Variants in EAF2 observed in about 807,000 individuals in gnomAD.
The protein encoded by EAF2 is ELL-associated factor 2.
A neutral mutation model predicts 29.4 loss-of-function variants in EAF2; 29 were observed. The ratio of observed to expected loss-of-function variants is 0.99; its 90% CI spans 0.73 to 1.35. The LOEUF (loss-of-function observed/expected upper bound fraction) is 1.35, where lower values mean the gene tolerates loss of function less well. Among genes scored for constraint, EAF2 ranks in the 40% most tolerant of loss-of-function variants. The pLI, the probability that EAF2 is intolerant of heterozygous loss-of-function variation, is 0.00. For synonymous variants in EAF2, 103 were observed against 102.5 expected, an observed-to-expected ratio of 1.00 and a Z score of -0.03; for missense variants, 292 against 312.0, an observed-to-expected ratio of 0.94 and a Z score of 0.48.
At chr3:121,858,891 T>A (rs1010979055) in intron 4 of EAF2, among the ~76,000 whole-genome samples, 8 of 152,234 alleles carry the variant, frequency 5.3e-5, no homozygotes, top group African/African-American at 1.9e-4. Flanking sequence ...TACATACGGC[T>A]AGCCAGTTTT....
At chr3:121,840,498 AAAAAAAAAAAGAAAAAAAAAAAACG>A (rs1708394990) in intron 1 of EAF2, among the ~76,000 whole-genome samples, 1 of 75,300 alleles carries the variant, frequency 1.3e-5, no homozygotes, top group South Asian at 3.2e-4. Flanking sequence ...TAAAAAAAAA[AAAAAAAAAAAGAAAAAAAAAAAACG>A]GGCCGGGTGC....
At chr3:121,871,292 A>T (rs561724391) in intron 4 of EAF2, among the ~76,000 whole-genome samples, 2 of 151,236 alleles carry the variant, frequency 1.3e-5, no homozygotes, top group East Asian at 3.9e-4. Flanking sequence ...GTACATGCTG[A>T]GTGAATCTAT....
chr3:121,841,947 A>T (rs1358750282), intron 1 of EAF2, among the ~76,000 whole-genome samples: 2 of 152,174 alleles, frequency 1.3e-5, no homozygotes, highest in South Asian at 2.1e-4. Flanking sequence ...CGGAGGTTGC[A>T]GTGAGCTGAG....
chr3:121,860,811 G>C (rs1708814607), intron 4 of EAF2, among the ~76,000 whole-genome samples: 1 of 152,154 alleles, frequency 6.6e-6, no homozygotes, highest in Admixed American at 6.5e-5. Flanking sequence ...GGCATTTAGT[G>C]CTGTAAATTT....
At position 121,836,636 on chromosome 3, in the gene EAF2, C is replaced by G. The variant is rs1048429299; in HGVS notation, c.106+1245C>G. ...TTTATTCTTCTTTATCATATACTTTCTCATCCAGAGCTCCCCACGATGAGA... is the reference window on the plus strand; with the variant it reads ...TTTATTCTTCTTTATCATATACTTTGTCATCCAGAGCTCCCCACGATGAGA... On this transcript the variant is annotated intron_variant, in intron 1 of 5. Coordinates refer to ENST00000273668, the MANE Select transcript of EAF2 (RefSeq NM_018456.6). The G allele has an allele frequency of 1.7e-5, 17 of 987,602 alleles. No individual in the cohort carries two copies. The African/African-American group carries it at 2.6e-4, about 15-fold the overall frequency. 61.2% of individuals were successfully genotyped at this position (987,602 alleles called of 1,614,324 possible).
At chr3:121,866,441 C>T (rs1708928099) in intron 4 of EAF2, among the ~76,000 whole-genome samples, 1 of 152,052 alleles carries the variant, frequency 6.6e-6, no homozygotes, top group Admixed American at 6.6e-5. Flanking sequence ...AATTACCTGT[C>T]CTGGCTGGGT....
Position 121,835,238 on chromosome 3 carries a change from G to A in EAF2, c.-48G>A. On this transcript the variant is annotated 5_prime_UTR_variant, in exon 1 of 6. Transcript: ENST00000273668. ...GCAGCTGCTTCAGGCTGAGGTGGCA[G>A]ATAGTGAGCGCTGGTGGCGGAGTTA... 6.3e-7 allele frequency: 1 copy of A among 1,575,180 alleles called. No individual in the cohort carries two copies. Among genetic ancestry groups the A allele is most frequent in the Non-Finnish European group, 8.7e-7 (1 of 1,144,708 alleles).
At chr3:121,849,921 GAT>G (rs112072754) in intron 2 of EAF2, among the ~76,000 whole-genome samples, 1,494 of 130,822 alleles carry the variant, frequency 0.011, 28 homozygotes, top group African/African-American at 0.037. Flanking sequence ...CTACTTCTCT[GAT>G]ATATATATAT....
intron 4 of EAF2, among the ~76,000 whole-genome samples, chr3:121,858,595 A>C (rs948847533): frequency 6.6e-6 from 1 of 152,218 alleles, no homozygotes; most frequent in African/African-American, 2.4e-5. Context: ...GTAAATTGCA[A>C]AAATTTTCTC....
chr3:121,852,088 A>T (rs964612803), intron 2 of EAF2, among the ~76,000 whole-genome samples: 1 of 152,212 alleles, frequency 6.6e-6, no homozygotes, highest in Non-Finnish European at 1.5e-5. Flanking sequence ...AATTGTCTAT[A>T]TTATTCATAT....
intron 2 of EAF2, among the ~76,000 whole-genome samples, chr3:121,849,670 G>T (rs992575232): frequency 2.6e-5 from 4 of 151,970 alleles, no homozygotes; most frequent in African/African-American, 9.7e-5. Context: ...TGTATGAGGG[G>T]TACTCCAGAT....
intron 1 of EAF2, among the ~76,000 whole-genome samples, chr3:121,840,506 AAAG>A (rs1276023374): frequency 0.02 from 1,303 of 64,090 alleles, 95 homozygotes; most frequent in Non-Finnish European, 0.035. Flanking sequence ...AAAAAAAAAA[AAAG>A]AAAAAAAAAA....
At chr3:121,849,331 T>G (rs1708586604) in intron 2 of EAF2, among the ~76,000 whole-genome samples, 1 of 152,150 alleles carries the variant, frequency 6.6e-6, no homozygotes, top group Non-Finnish European at 1.5e-5. Flanking sequence ...AGAAAAAAAT[T>G]AATAAAAACG....
At chr3:121,884,317 G>A (rs540374129) in intron 5 of EAF2, among the ~76,000 whole-genome samples, 1 of 139,658 alleles carries the variant, frequency 7.2e-6, no homozygotes, top group African/African-American at 2.6e-5. Context: ...TCTAGCCTGG[G>A]TGACAAGAGT....
At chr3:121,858,511 G>A (rs1291332340) in intron 4 of EAF2, among the ~76,000 whole-genome samples, 1 of 152,202 alleles carries the variant, frequency 6.6e-6, no homozygotes. Context: ...CTTTTTGATG[G>A]AGTCGTTTGT....
chr3:121,845,956 C>A (rs763011189), intron 2 of EAF2, among the ~76,000 whole-genome samples: 12 of 151,972 alleles, frequency 7.9e-5, no homozygotes, highest in Non-Finnish European at 1.3e-4. Flanking sequence ...GTTTCTTTTT[C>A]TTTTCTTTTA....
chr3:121,872,568 G>T lies in EAF2; in HGVS notation c.516G>T (p.Gln172His). The T allele has an allele frequency of 6.2e-7, 1 of 1,611,040 alleles. No individual in the cohort carries two copies. The highest frequency in any genetic ancestry group is 1.1e-5 in the South Asian group (1 of 90,730). Residue 172 changes from glutamine (Q) to histidine (H), a missense_variant, in exon 5 of 6, where the codon CAG becomes CAT. Coordinates refer to ENST00000273668, the MANE Select transcript of EAF2 (RefSeq NM_018456.6). ...AGGCAGAAGCTAGTCTAATGGACCA[G>T]ATGAGTAGTTGTGATAGTTCATCAG... ...ELKAEASLMD[Q>H]MSSCDSSSDS...
In EAF2 at chr3:121,856,365, T is replaced by C. The variant is rs1254159741; in HGVS notation, c.339-646T>C. Reference sequence around the variant, plus strand: ...TGTTTTATTTATTTTTAAATAGAGATGGAGGGTCTCGTTATATTGCCCAGG... The same window carrying C: ...TGTTTTATTTATTTTTAAATAGAGACGGAGGGTCTCGTTATATTGCCCAGG... On this transcript the variant is annotated intron_variant, in intron 3 of 5. Transcript: ENST00000273668. Among the ~76,000 whole-genome samples, 4 of 151,622 alleles carry C rather than the reference T, an allele frequency of 2.6e-5. No individual in the cohort carries two copies. In the East Asian group the frequency reaches 7.7e-4, roughly 29 times the overall value.
At chr3:121,879,937 A>T (rs116428527) in intron 5 of EAF2, among the ~76,000 whole-genome samples, 1 of 151,790 alleles carries the variant, frequency 6.6e-6, no homozygotes, top group Non-Finnish European at 1.5e-5. Flanking sequence ...TGGTATTTTG[A>T]TAGGTATTGC....
Sources: allele counts gnomAD v4.1 joint callset (sites outside exome capture counted in the v4.1 genomes callset), GRCh38; gene constraint gnomAD v4.1.1; transcripts MANE v1.5; gene names NCBI Gene and HGNC (gene_info 2026-07-23, HGNC 2026-07-21).